HDLBP: variants seen among roughly 807,000 people sequenced by gnomAD.
HDLBP encodes the protein vigilin.
HDLBP carries 30 observed loss-of-function variants against 137.3 expected under a neutral mutation model. That is an observed-to-expected ratio of 0.22 (90% CI 0.16 to 0.30). The LOEUF is 0.30. HDLBP is among the 10% of genes least tolerant of loss of function. The probability of loss-of-function intolerance (pLI) is 1.00; values close to 1 mark genes in which losing one functional copy is unlikely to be tolerated. For synonymous variants in HDLBP, 606 were observed against 596.0 expected, an observed-to-expected ratio of 1.02 and a Z score of -0.24; for missense variants, 1,119 against 1,667.3, an observed-to-expected ratio of 0.67 and a Z score of 5.73.
chr2:241,236,190 C>T (rs754426092), intron 21 of HDLBP: 14 of 219,088 alleles, frequency 6.4e-5, no homozygotes, highest in East Asian at 5.7e-4. Flanking sequence ...GCTGTGGCAC[C>T]GCAGCACTGA....
chr2:241,263,769 A>C (rs1214109064), intron 4 of HDLBP, among the ~76,000 whole-genome samples: 2 of 152,204 alleles, frequency 1.3e-5, no homozygotes, highest in African/African-American at 4.8e-5. Context: ...AAAACCAGGA[A>C]ACTGGTTAAC....
rs528323184 is a variant in HDLBP, at chr2:241,270,797, A to G, written c.-102-2256T>C. ...ATGTGGATCTTTCAGCAACCCCAGG[A>G]CAGCGCCAGGCAACTCCACTTGCTA... is the stretch of plus-strand genomic sequence containing the variant. On this transcript the variant is annotated intron_variant, in intron 1 of 27. Transcript: ENST00000310931. Among the ~76,000 whole-genome samples the G allele has an allele frequency of 2.6e-5, 4 of 152,302 alleles. No individual in the cohort carries two copies. In the South Asian group the frequency reaches 8.3e-4, roughly 32 times the overall value.
chr2:241,287,938 C>T (rs985295878), intron 1 of HDLBP, among the ~76,000 whole-genome samples: 2 of 152,112 alleles, frequency 1.3e-5, no homozygotes, highest in Non-Finnish European at 2.9e-5. Flanking sequence ...AATGTGAAGA[C>T]GGGAGGGAAG....
At chr2:241,264,231 G>A (rs1342550487) in intron 4 of HDLBP, among the ~76,000 whole-genome samples, 5 of 151,312 alleles carry the variant, frequency 3.3e-5, no homozygotes, top group Admixed American at 1.3e-4. Flanking sequence ...GCGTGGTGGC[G>A]GGCACCTGTA....
At chr2:241,231,394 A>AC (rs1317397669) in intron 24 of HDLBP, 2 of 152,856 alleles carry the variant, frequency 1.3e-5, no homozygotes, top group African/African-American at 4.9e-5. Flanking sequence ...AAAAAAAAAA[A>AC]AACAAAAAAA....
intron 5 of HDLBP, among the ~76,000 whole-genome samples, chr2:241,257,256 C>T (rs899315722): frequency 9.9e-5 from 15 of 152,040 alleles, no homozygotes; most frequent in East Asian, 3.8e-4. Context: ...TTTTTTGAGA[C>T]GGAGTCTCGC....
chr2:241,229,728 C>T (rs1205767364), intron 27 of HDLBP, 41 bp from the exon 28 acceptor site: 2 of 1,611,882 alleles, frequency 1.2e-6, no homozygotes, highest in East Asian at 4.5e-5. Flanking sequence ...GGGATGCTCC[C>T]CAACTCGCAA....
intron 27 of HDLBP, 48 bp downstream of exon 27, chr2:241,229,785 C>T (rs779996804): frequency 3.0e-5 from 15 of 505,704 alleles, no homozygotes; most frequent in Non-Finnish European, 5.8e-5. Context: ...AGCCCGCCTG[C>T]CCGCCCACCC....
intron 3 of HDLBP, 116 bp from the exon 4 acceptor site, chr2:241,264,721 G>A: frequency 1.0e-6 from 1 of 999,044 alleles, no homozygotes; most frequent in Non-Finnish European, 1.5e-6. Flanking sequence ...ATGCTCCAAG[G>A]ACAACTCCCC....
Position 241,235,475 on chromosome 2 carries a change from G to C in HDLBP, c.3009+15C>G. On this transcript the variant is annotated intron_variant, in intron 22 of 27. Transcript: ENST00000310931. Reference sequence around the variant, plus strand: ...GGCCACTCCTGTGACATGGCCTCCCGGGAAAGGGGTCTACCTCAAACTCAT... The same window carrying C: ...GGCCACTCCTGTGACATGGCCTCCCCGGAAAGGGGTCTACCTCAAACTCAT... 6.2e-7 allele frequency: 1 copy of C among 1,600,814 alleles called. No homozygotes were observed. The highest frequency in any genetic ancestry group is 2.2e-5 in the East Asian group (1 of 44,824).
chr2:241,280,275 GTTTAA>G (rs2074545247), intron 1 of HDLBP, among the ~76,000 whole-genome samples: 1 of 152,124 alleles, frequency 6.6e-6, no homozygotes, highest in Admixed American at 6.5e-5. Flanking sequence ...TTTATACTCA[GTTTAA>G]TTTGACTTGT....
intron 1 of HDLBP, chr2:241,273,512 C>A: frequency 1.2e-6 from 1 of 838,530 alleles, no homozygotes; most frequent in Non-Finnish European, 1.4e-6. Flanking sequence ...GGGGTCTCCA[C>A]CCTCCGGGAA....
intron 1 of HDLBP, among the ~76,000 whole-genome samples, chr2:241,313,401 T>C (rs577812207): frequency 2.6e-5 from 4 of 152,256 alleles, no homozygotes; most frequent in Admixed American, 2.6e-4. Context: ...TGCCTCAGCC[T>C]CTTGAGCAGC....
At chr2:241,279,166 A>C (rs1255254232) in intron 1 of HDLBP, among the ~76,000 whole-genome samples, 1 of 152,246 alleles carries the variant, frequency 6.6e-6, no homozygotes, top group Non-Finnish European at 1.5e-5. Context: ...GAAAGACTTA[A>C]TCATGGATAG....
chr2:241,304,051 A>G (rs898595731), intron 1 of HDLBP, among the ~76,000 whole-genome samples: 1 of 152,136 alleles, frequency 6.6e-6, no homozygotes, highest in Non-Finnish European at 1.5e-5. Context: ...GGCTCCAGTG[A>G]TCCCCCTGCC....
intron 2 of HDLBP, 47 bp downstream of exon 2, chr2:241,268,430 C>G (rs1310326144): frequency 1.0e-6 from 1 of 982,806 alleles, no homozygotes; most frequent in Non-Finnish European, 1.2e-6. Context: ...CCCCCAGGTC[C>G]ACACACAGCC....
chr2:241,280,671 A>C (rs1162050612), intron 1 of HDLBP, among the ~76,000 whole-genome samples: 1 of 152,230 alleles, frequency 6.6e-6, no homozygotes, highest in Non-Finnish European at 1.5e-5. Flanking sequence ...AAGAACACCA[A>C]ACTTGTTGCC....
At chr2:241,269,997 G>C (rs932419375) in intron 1 of HDLBP, among the ~76,000 whole-genome samples, 3 of 152,176 alleles carry the variant, frequency 2.0e-5, no homozygotes, top group African/African-American at 7.2e-5. Context: ...TATCAAGCTA[G>C]GTTCTGGGCA....
At chr2:241,256,926 T>C in intron 5 of HDLBP, 120 bp from the exon 6 acceptor site, 1 of 807,602 alleles carries the variant, frequency 1.2e-6, no homozygotes, top group Non-Finnish European at 2.0e-6. Flanking sequence ...CAGCACCAAC[T>C]CATCCATTAA....
Sources: allele counts gnomAD v4.1 joint callset (sites outside exome capture counted in the v4.1 genomes callset), GRCh38; gene constraint gnomAD v4.1.1; transcripts MANE v1.5; gene names NCBI Gene and HGNC (gene_info 2026-07-23, HGNC 2026-07-21).